GPCPD1: variants seen among roughly 807,000 people sequenced by gnomAD.
GPCPD1 encodes glycerophosphocholine phosphodiesterase GPCPD1.
In GPCPD1, 29 loss-of-function variants were observed where a neutral mutation model predicts 89.2. That is an observed-to-expected ratio of 0.33 (90% CI 0.24 to 0.44). GPCPD1 has a LOEUF of 0.44. Ranked by LOEUF, GPCPD1 falls within the 20% of genes least tolerant of loss-of-function variation. The probability of loss-of-function intolerance (pLI) is 1.00; values close to 1 mark genes in which losing one functional copy is unlikely to be tolerated. For synonymous variants in GPCPD1, 258 were observed against 266.3 expected, an observed-to-expected ratio of 0.97 and a Z score of 0.30; for missense variants, 594 against 808.9, an observed-to-expected ratio of 0.73 and a Z score of 3.22.
Position 5,564,538 on chromosome 20 carries a change from A to C in GPCPD1, c.1329+479T>G, listed in dbSNP as rs187977255. Among the ~76,000 whole-genome samples, 15 of 152,256 alleles carry C rather than the reference A, an allele frequency of 9.9e-5. No homozygotes were observed. The East Asian group carries it at 2.9e-3, about 29-fold the overall frequency. On this transcript the variant is annotated intron_variant, in intron 15 of 19. Transcript: ENST00000379019. ...GCACAAGTATACTACACAAGAATGA[A>C]TCTTATTGGCTGGGTGTGTTGGCTC...
chr20:5,561,550 T>C lies in GPCPD1; in HGVS notation c.1330-20A>G. ...TAAAACCTACAGTTTTGTTTGTTGG[T>C]AAATTTTGTTTTTGATGAGATGGAT... On this transcript the variant is annotated intron_variant, in intron 15 of 19. Coordinates refer to ENST00000379019, the MANE Select transcript of GPCPD1 (RefSeq NM_019593.5). 1 of 1,504,446 alleles carries C rather than the reference T, an allele frequency of 6.6e-7. No individual in the cohort carries two copies. Among genetic ancestry groups the C allele is most frequent in the Non-Finnish European group, 9.2e-7 (1 of 1,086,094 alleles). 93.2% of individuals were successfully genotyped at this position (1,504,446 alleles called of 1,614,324 possible). A position where few individuals can be genotyped will look rare whatever the true frequency, so the allele number is the denominator to read the frequency against.
Position 5,551,509 on chromosome 20 carries a change from A to G in GPCPD1, c.1830-3659T>C, listed in dbSNP as rs1418542398. On this transcript the variant is annotated intron_variant, in intron 19 of 19. Transcript: ENST00000379019. ...AATAGCAGTCTAAGTTGTGGTAAAG[A>G]CAACAATGGAATATTAACAAGACCA... 4.6e-5 allele frequency among the ~76,000 whole-genome samples: 7 copies of G among 152,358 alleles called. No individual in the cohort carries two copies. In the East Asian group the frequency reaches 1.3e-3, roughly 29 times the overall value.
intron 14 of GPCPD1, among the ~76,000 whole-genome samples, chr20:5,565,579 C>T (rs1986356062): frequency 6.6e-6 from 1 of 152,074 alleles, no homozygotes; most frequent in South Asian, 2.1e-4. Flanking sequence ...ACATCAAAAA[C>T]CCATTTTCTA....
Position 5,593,364 on chromosome 20 carries a change from T to C in GPCPD1, c.194A>G (p.Gln65Arg), listed in dbSNP as rs1156607307. ...AAAGTACCCTTTGAAGTAGCGATAC[T>C]GAACTGATACTCCTCTACTGAGTAC... is the stretch of plus-strand genomic sequence containing the variant. Reference protein sequence around the residue: ...TIVLSRGVSVQYRYFKGYFLE... With the variant: ...TIVLSRGVSVRYRYFKGYFLE... The change falls in exon 4 of 20, where the codon CAG becomes CGG. Residue 65 changes from glutamine to arginine, a missense_variant. By Grantham distance (43) the Gln-to-Arg change is conservative. Coordinates refer to ENST00000379019, the MANE Select transcript of GPCPD1 (RefSeq NM_019593.5). The C allele has an allele frequency of 6.3e-7, 1 of 1,598,084 alleles. No individual in the cohort carries two copies. Among genetic ancestry groups the C allele is most frequent in the Non-Finnish European group, 8.6e-7 (1 of 1,165,876 alleles).
rs753132585 is a variant in GPCPD1 at position 5,559,900 on chromosome 20, C to T, written c.1532+40G>A. The stretch of plus-strand genomic sequence containing the variant: ...AGACTGCTGCCTTAAGTCCTAGACA[C>T]ATTCTAAGAGTATAGGAAAAAATAC... On this transcript the variant is annotated intron_variant, in intron 17 of 19. Coordinates refer to ENST00000379019, the MANE Select transcript of GPCPD1 (RefSeq NM_019593.5). The T allele has an allele frequency of 4.9e-6, 6 of 1,226,322 alleles. No individual in the cohort carries two copies. The South Asian group carries it at 9.9e-5, about 20-fold the overall frequency. 76.0% of individuals were successfully genotyped at this position (1,226,322 alleles called of 1,614,324 possible).
chr20:5,561,637 G>T, intron 15 of GPCPD1, 107 bp from the exon 16 acceptor site: 1 of 595,952 alleles, frequency 1.7e-6, no homozygotes, highest in Non-Finnish European at 3.0e-6. Flanking sequence ...TTTATCATTA[G>T]TAGCAATAAA....
At chr20:5,570,068 T>G in intron 12 of GPCPD1, 79 bp downstream of exon 12, 1 of 652,082 alleles carries the variant, frequency 1.5e-6, no homozygotes, top group Admixed American at 2.6e-5. Context: ...AATAAGTAAT[T>G]AAAAATATAA....
intron 3 of GPCPD1, among the ~76,000 whole-genome samples, chr20:5,594,388 C>T (rs1051009228): frequency 6.6e-6 from 1 of 151,968 alleles, no homozygotes; most frequent in Non-Finnish European, 1.5e-5. Context: ...CTCCCGGGTT[C>T]ATGCTATTCT....
At chr20:5,610,171 GCT>G (rs142667790) in intron 1 of GPCPD1, among the ~76,000 whole-genome samples, 415 of 152,250 alleles carry the variant, frequency 2.7e-3, no homozygotes, top group African/African-American at 9.7e-3. Context: ...AGTGATTGAG[GCT>G]CTCTCTCCTA....
At chr20:5,610,761 C>G (rs568603635) in intron 1 of GPCPD1, 81 bp downstream of exon 1, 1 of 150,436 alleles carries the variant, frequency 6.6e-6, no homozygotes, top group South Asian at 1.9e-4. Context: ...GCCCCAGGCC[C>G]GCCGCGTCCC....
At chr20:5,559,365 CACTTGA>C (rs1193839504) in intron 17 of GPCPD1, among the ~76,000 whole-genome samples, 7 of 152,192 alleles carry the variant, frequency 4.6e-5, no homozygotes, top group Non-Finnish European at 1.0e-4. Flanking sequence ...GCAGGAAGCT[CACTTGA>C]GCCTAAGAGT....
chr20:5,562,271 CAG>C (rs1342013877), intron 15 of GPCPD1, among the ~76,000 whole-genome samples: 1 of 152,098 alleles, frequency 6.6e-6, no homozygotes, highest in Non-Finnish European at 1.5e-5. Context: ...ATGAATTTGA[CAG>C]AGATTATGTT....
At chr20:5,556,583 C>G (rs1165335929) in intron 19 of GPCPD1, among the ~76,000 whole-genome samples, 1 of 152,208 alleles carries the variant, frequency 6.6e-6, no homozygotes, top group Non-Finnish European at 1.5e-5. Flanking sequence ...CCAGCCTTCA[C>G]TATCGCTGAG....
rs571589406 is a variant in GPCPD1 at position 5,606,846 on chromosome 20, T to C, written c.-28-2406A>G. On this transcript the variant is annotated intron_variant, in intron 1 of 19. Coordinates refer to ENST00000379019, the MANE Select transcript of GPCPD1 (RefSeq NM_019593.5). ...AAATGTAACACTGAATACATACACA[T>C]ATATATATTTATAAATGTACACTGT... Among the ~76,000 whole-genome samples, 5 of 152,314 alleles carry C rather than the reference T, an allele frequency of 3.3e-5. No homozygotes were observed. In the East Asian group the frequency reaches 9.6e-4, roughly 29 times the overall value.
In GPCPD1 at chr20:5,560,027, A is replaced by G. The variant is rs1337676614; in HGVS notation, c.1445T>C (p.Phe482Ser). The G allele has an allele frequency of 6.3e-7, 1 of 1,581,134 alleles. No individual in the cohort carries two copies. The highest frequency in any genetic ancestry group is 8.6e-7 in the Non-Finnish European group (1 of 1,158,708). Residue 482 changes from phenylalanine to serine, a missense_variant, in exon 17 of 20, where the codon TTT becomes TCT. Physicochemically the swap from Phe to Ser is radical, Grantham distance 155. Coordinates refer to ENST00000379019, the MANE Select transcript of GPCPD1 (RefSeq NM_019593.5). ...AACAGTTTTTAAAATTATATCCAAA[A>G]ACAGATTCATGTCAAAATATGTTGA... is the stretch of plus-strand genomic sequence containing the variant. ...NLSTYFDMNL[F>S]LDIILKTVLE...
At chr20:5,608,445 T>C (rs772860501) in intron 1 of GPCPD1, among the ~76,000 whole-genome samples, 3 of 152,192 alleles carry the variant, frequency 2.0e-5, no homozygotes, top group Non-Finnish European at 4.4e-5. Flanking sequence ...CCTCAGGAGC[T>C]GTTCCAAATG....
chr20:5,575,605 G>A lies in GPCPD1; in HGVS notation c.869-60C>T, dbSNP rs1339869889. The A allele has an allele frequency of 7.3e-5, 85 of 1,156,728 alleles. No individual in the cohort carries two copies. The South Asian group carries it at 1.1e-3, about 15-fold the overall frequency. 71.7% of individuals were successfully genotyped at this position (1,156,728 alleles called of 1,614,324 possible). A position where few individuals can be genotyped will look rare whatever the true frequency, so the allele number is the denominator to read the frequency against. On this transcript the variant is annotated intron_variant, in intron 9 of 19. Transcript: ENST00000379019. ...AAAATGATTAAAAGGGCCATTATGA[G>A]CTACATTATATTTAAATACCACTCA...
intron 6 of GPCPD1, 58 bp from the exon 7 acceptor site, chr20:5,580,189 A>G (rs1978359394): frequency 4.6e-6 from 4 of 867,428 alleles, no homozygotes; most frequent in Admixed American, 2.3e-5. Context: ...AAACAACACA[A>G]TAAGTACCTA....
intron 14 of GPCPD1, 38 bp downstream of exon 14, chr20:5,566,695 C>G: frequency 7.8e-7 from 1 of 1,289,558 alleles, no homozygotes; most frequent in South Asian, 1.2e-5. Context: ...TTAATGCTAA[C>G]TACAAAAGGA....
Sources: gnomAD v4.1 joint callset for allele counts (sites outside exome capture counted in the v4.1 genomes callset) on GRCh38, gnomAD v4.1.1 for gene constraint, MANE v1.5 for transcripts, NCBI Gene and HGNC (gene_info 2026-07-23, HGNC 2026-07-21) for gene names.